Variants in ANKHD1 observed in about 807,000 individuals in gnomAD.
ANKHD1 encodes ankyrin repeat and KH domain-containing protein 1.
Under a neutral mutation model 230.5 loss-of-function variants are expected in ANKHD1, and 31 were observed. That is an observed-to-expected ratio of 0.13 (90% CI 0.10 to 0.18). The LOEUF (loss-of-function observed/expected upper bound fraction) is 0.18. Among genes scored for constraint, ANKHD1 ranks in the 10% least tolerant of loss-of-function variants. ANKHD1 has a pLI of 1.00. For synonymous variants in ANKHD1, 1,074 were observed against 1,117.6 expected (o/e 0.96, Z 0.78); for missense variants, 2,256 against 3,071.3 (o/e 0.73, Z 6.27).
intron 9 of ANKHD1, among the ~76,000 whole-genome samples, chr5:140,460,609 C>T (rs1363782204): frequency 1.3e-5 from 2 of 152,128 alleles, no homozygotes; most frequent in African/African-American, 2.4e-5. Context: ...CAACCTCAAC[C>T]TCCTGGGCTC....
intron 11 of ANKHD1, 43 bp downstream of exon 11, chr5:140,482,710 A>T (rs1751338069): frequency 6.3e-7 from 1 of 1,594,044 alleles, no homozygotes. Context: ...GCTACAGTTT[A>T]TGGAAAAAAA....
Position 140,506,750 on chromosome 5 carries a change from A to G in ANKHD1, c.3409-85A>G, listed in dbSNP as rs901004124. ...TATCAGATATTTAGATAAGGAAGTT[A>G]TAAGTCCTGTTTCTTTGTGTTTCCT... On this transcript the variant is annotated intron_variant, in intron 18 of 33. Coordinates refer to ENST00000360839, the MANE Select transcript of ANKHD1 (RefSeq NM_017747.3). This position sits in a 1 kb window ranked among gnomAD's most constrained non-coding sequence, Gnocchi z 4.7. 4 of 1,561,322 alleles carry G rather than the reference A, an allele frequency of 2.6e-6. No individual in the cohort carries two copies. The highest frequency in any genetic ancestry group is 2.2e-5 in the Admixed American group (1 of 46,352).
chr5:140,402,171 G>T lies in ANKHD1; in HGVS notation c.204G>T (p.Thr68=). Residue 68 remains threonine, a synonymous_variant, in exon 1 of 34, where the codon ACG becomes ACT. Transcript: ENST00000360839. ...SSGGGGSGSG[T]GGGDAALDFK... The stretch of plus-strand genomic sequence containing the variant: ...GCGGCGGCGGCAGCGGCAGCGGTAC[G>T]GGCGGAGGGGACGCGGCGCTGGATT... 6.6e-7 allele frequency: 1 copy of T among 1,526,594 alleles called. No homozygotes were observed. Among genetic ancestry groups the T allele is most frequent in the Non-Finnish European group, 8.8e-7 (1 of 1,142,148 alleles). 94.6% of individuals were successfully genotyped at this position (1,526,594 alleles called of 1,614,324 possible).
intron 10 of ANKHD1, among the ~76,000 whole-genome samples, chr5:140,480,637 G>A (rs912943615): frequency 7.2e-5 from 11 of 151,848 alleles, no homozygotes; most frequent in African/African-American, 2.4e-4. Context: ...TCTTACTCTC[G>A]GGCTTAACTA....
chr5:140,475,737 TG>T (rs897600662), intron 10 of ANKHD1, among the ~76,000 whole-genome samples: 2 of 152,110 alleles, frequency 1.3e-5, no homozygotes, highest in African/African-American at 2.4e-5. Context: ...ACTTCTGAAA[TG>T]GACTCCAAGA....
Position 140,528,369 on chromosome 5 carries a change from C to T in ANKHD1, c.5423C>T (p.Pro1808Leu), listed in dbSNP as rs772234038. 6.2e-7 allele frequency: 1 copy of T among 1,614,090 alleles called. No homozygotes were observed. Among genetic ancestry groups the T allele is most frequent in the Non-Finnish European group, 8.5e-7 (1 of 1,180,030 alleles). Residue 1808 changes from proline (P) to leucine (L), a missense_variant, in exon 29 of 34, where the codon CCT becomes CTT. Coordinates refer to ENST00000360839, the MANE Select transcript of ANKHD1 (RefSeq NM_017747.3). ...GCAGCTTCCAGTAAAAATGCATTTC[C>T]TTTGGGTGCTCCAACTCTTGTAACT... ...TTAASSKNAF[P>L]LGAPTLVTSQ...
intron 24 of ANKHD1, among the ~76,000 whole-genome samples, chr5:140,518,085 A>G (rs1335555015): frequency 2.0e-5 from 3 of 152,254 alleles, no homozygotes; most frequent in Non-Finnish European, 4.4e-5. Flanking sequence ...AATAGATGCA[A>G]TAAAAAATGA....
At chr5:140,407,164 C>T (rs1180153933) in intron 1 of ANKHD1, among the ~76,000 whole-genome samples, 10 of 151,798 alleles carry the variant, frequency 6.6e-5, no homozygotes, top group African/African-American at 1.7e-4. Flanking sequence ...CGTGGTGGCA[C>T]GCACCTGCAA....
intron 1 of ANKHD1, among the ~76,000 whole-genome samples, chr5:140,422,283 C>T (rs368423824): frequency 6.6e-5 from 10 of 151,854 alleles, no homozygotes; most frequent in African/African-American, 9.7e-5. Context: ...CCACCACGCC[C>T]GGCTAATTTT....
chr5:140,450,441 T>A (rs1356151517), intron 7 of ANKHD1, among the ~76,000 whole-genome samples: 1 of 152,006 alleles, frequency 6.6e-6, no homozygotes, highest in Non-Finnish European at 1.5e-5. Context: ...GTGATTCTCG[T>A]GCCTCAGCTT....
Position 140,424,219 on chromosome 5 carries a change from TAGAG to T in ANKHD1, c.307-11865_307-11862del, listed in dbSNP as rs146480393. On this transcript the variant is annotated intron_variant, in intron 1 of 33. Transcript: ENST00000360839. ...AATAATACTAGCTACTATATATATA[TAGAG>T]AGAGAGAGAGAGAGAGAGACAGAGA... is the stretch of plus-strand genomic sequence containing the variant. 9.0e-3 allele frequency among the ~76,000 whole-genome samples: 1,343 copies of T among 149,626 alleles called. 22 individuals are homozygous for T. The highest frequency in any genetic ancestry group is 0.031 in the African/African-American group (1,261 of 40,860).
intron 1 of ANKHD1, among the ~76,000 whole-genome samples, chr5:140,424,756 C>T (rs1772267643): frequency 6.6e-6 from 1 of 152,166 alleles, no homozygotes; most frequent in Non-Finnish European, 1.5e-5. Context: ...ATTGTTAGGA[C>T]AGCTGTAGAT....
intron 28 of ANKHD1, 33 bp downstream of exon 28, chr5:140,528,055 A>T (rs774643821): frequency 6.2e-7 from 1 of 1,609,058 alleles, no homozygotes; most frequent in Admixed American, 1.7e-5. Flanking sequence ...GCTAGTTCTG[A>T]GTAGAAATTA....
At chr5:140,445,697 A>G in intron 5 of ANKHD1, 45 bp from the exon 6 acceptor site, 1 of 1,363,776 alleles carries the variant, frequency 7.3e-7, no homozygotes, top group South Asian at 2.1e-5. Context: ...TATTTTTTAA[A>G]TATATATTCT....
chr5:140,529,426 T>G lies in ANKHD1; in HGVS notation c.6480T>G (p.Phe2160Leu). ...TTCACCAGGATCCCCAGTCTATTTT[T>G]GTTACGAATCCAGTTACTTTAACAC... ...ATIHQDPQSIFVTNPVTLTPP... is the reference protein window; with the variant it reads ...ATIHQDPQSILVTNPVTLTPP... The change falls in exon 29 of 34, where the codon TTT becomes TTG. Residue 2160 changes from phenylalanine (F) to leucine (L), a missense_variant. Coordinates refer to ENST00000360839, the MANE Select transcript of ANKHD1 (RefSeq NM_017747.3). 6.2e-7 allele frequency: 1 copy of G among 1,614,224 alleles called. No homozygotes were observed. The highest frequency in any genetic ancestry group is 8.5e-7 in the Non-Finnish European group (1 of 1,180,040).
At position 140,510,009 on chromosome 5, in the gene ANKHD1, T is replaced by G; in HGVS notation, c.3942-10T>G. On this transcript the variant is annotated splice_polypyrimidine_tract_variant and intron_variant, in intron 21 of 33. Transcript: ENST00000360839. ...ACAGGAAACAAACTATTAATATGCC[T>G]TGTTTACAGGGGAGCCCACATTGAT... 6.2e-7 allele frequency: 1 copy of G among 1,604,686 alleles called. No individual in the cohort carries two copies. Among genetic ancestry groups the G allele is most frequent in the Non-Finnish European group, 8.5e-7 (1 of 1,174,694 alleles).
In ANKHD1 at chr5:140,529,482, T is replaced by A; in HGVS notation, c.6536T>A (p.Leu2179His). The A allele has an allele frequency of 6.2e-7, 1 of 1,614,248 alleles. No individual in the cohort carries two copies. Among genetic ancestry groups the A allele is most frequent in the Non-Finnish European group, 8.5e-7 (1 of 1,180,044 alleles). The change falls in exon 29 of 34, where the codon CTT (leucine) becomes CAT (histidine). Residue 2179 changes from leucine (L) to histidine (H), a missense_variant. Coordinates refer to ENST00000360839, the MANE Select transcript of ANKHD1 (RefSeq NM_017747.3). ...PPQGPPAAVQ[L>H]SSAVNIMNGS... is the part of the protein sequence containing the mutation. ...CAAGGCCCACCAGCTGCAGTGCAGCTTTCTTCAGCTGTGAACATTATGAAT... is the reference window on the plus strand; with the variant it reads ...CAAGGCCCACCAGCTGCAGTGCAGCATTCTTCAGCTGTGAACATTATGAAT...
In ANKHD1 at chr5:140,447,166, G is replaced by T. The variant is rs1286543366; in HGVS notation, c.1147+1191G>T. Among the ~76,000 whole-genome samples, 6 of 152,188 alleles carry T rather than the reference G, an allele frequency of 3.9e-5. No individual in the cohort carries two copies. In the South Asian group the frequency reaches 8.3e-4, roughly 21 times the overall value. ...GATCCACCTGCCTTGGCCTCCTAAA[G>T]TGCTGGGGTTACAGGCATGAACCAC... is the stretch of plus-strand genomic sequence containing the variant. On this transcript the variant is annotated intron_variant, in intron 6 of 33. Transcript: ENST00000360839.
intron 1 of ANKHD1, among the ~76,000 whole-genome samples, chr5:140,412,980 G>A (rs941246800): frequency 6.6e-6 from 1 of 152,130 alleles, no homozygotes; most frequent in Non-Finnish European, 1.5e-5. Flanking sequence ...AATAGATACT[G>A]TTTTCAGTAG....
Sources: allele counts gnomAD v4.1 joint callset (sites outside exome capture counted in the v4.1 genomes callset), GRCh38; gene constraint gnomAD v4.1.1; non-coding constraint Gnocchi (gnomAD v3.1); transcripts MANE v1.5; gene names NCBI Gene and HGNC (gene_info 2026-07-23, HGNC 2026-07-21).